GALNT17: variants seen among roughly 807,000 people sequenced by gnomAD.
GALNT17 encodes the protein polypeptide N-acetylgalactosaminyltransferase 17.
Under a neutral mutation model 63.7 loss-of-function variants are expected in GALNT17, and 29 were observed. The observed-to-expected ratio is 0.46, with a 90% CI of 0.34 to 0.62. The LOEUF (loss-of-function observed/expected upper bound fraction) is 0.62. Ranked by LOEUF, GALNT17 falls within the 20% of genes least tolerant of loss-of-function variation. GALNT17 has a pLI of 0.01. For synonymous variants in GALNT17, 305 were observed against 318.3 expected, an observed-to-expected ratio of 0.96 and a Z score of 0.45; for missense variants, 603 against 799.6, an observed-to-expected ratio of 0.75 and a Z score of 2.97.
At chr7:71,490,589 A>C (rs1247275549) in intron 5 of GALNT17, among the ~76,000 whole-genome samples, 4 of 151,946 alleles carry the variant, frequency 2.6e-5, no homozygotes, top group Admixed American at 2.6e-4. Flanking sequence ...ACATAGCCAG[A>C]TGCCATCTCT....
intron 9 of GALNT17, among the ~76,000 whole-genome samples, chr7:71,693,379 T>C (rs1454513246): frequency 6.8e-6 from 1 of 148,136 alleles, no homozygotes; most frequent in Non-Finnish European, 1.5e-5. Flanking sequence ...GGGAAGAAAA[T>C]CCATGTTTGT....
chr7:71,626,006 GA>G (rs988712220), intron 6 of GALNT17, among the ~76,000 whole-genome samples: 2 of 152,102 alleles, frequency 1.3e-5, no homozygotes, highest in African/African-American at 4.8e-5. Flanking sequence ...AGCACTTTAG[GA>G]GGCCAAGGCA....
chr7:71,583,362 A>G (rs186135185), intron 6 of GALNT17, among the ~76,000 whole-genome samples: 16 of 152,260 alleles, frequency 1.1e-4, no homozygotes, highest in East Asian at 9.7e-4. Flanking sequence ...CCGAAGTGCT[A>G]GGATTACAGG....
intron 2 of GALNT17, among the ~76,000 whole-genome samples, chr7:71,346,026 TAAAAA>T (rs35499113): frequency 1.4e-4 from 18 of 127,226 alleles, no homozygotes; most frequent in Non-Finnish European, 1.8e-4. Flanking sequence ...TACTAAAAAT[TAAAAA>T]AAAAAAAAAA....
intron 5 of GALNT17, among the ~76,000 whole-genome samples, chr7:71,555,625 A>G (rs1230533584): frequency 1.3e-5 from 2 of 152,056 alleles, no homozygotes; most frequent in African/African-American, 4.8e-5. Context: ...GAACTATCCC[A>G]TATGTCAGTG....
Position 71,670,087 on chromosome 7 carries a change from A to C in GALNT17, c.1382A>C (p.Asn461Thr), listed in dbSNP as rs1018948707. ...DHVYPEMRRY[N>T]NTVAYGELRN... Reference sequence around the variant, plus strand: ...GTTTACCCAGAAATGAGAAGATACAATAATACCGTTGCTTACGGGGAGGTA... The same window carrying C: ...GTTTACCCAGAAATGAGAAGATACACTAATACCGTTGCTTACGGGGAGGTA... Residue 461 changes from asparagine (N) to threonine (T), a missense_variant, in exon 8 of 11, where the codon AAT (asparagine) becomes ACT (threonine). Coordinates refer to ENST00000333538, the MANE Select transcript of GALNT17 (RefSeq NM_022479.3). 1 of 1,614,166 alleles carries C rather than the reference A, an allele frequency of 6.2e-7. No individual in the cohort carries two copies. Among genetic ancestry groups the C allele is most frequent in the Non-Finnish European group, 8.5e-7 (1 of 1,180,014 alleles).
At chr7:71,462,396 G>T (rs916055509) in intron 5 of GALNT17, among the ~76,000 whole-genome samples, 2 of 152,194 alleles carry the variant, frequency 1.3e-5, no homozygotes, top group African/African-American at 2.4e-5. Flanking sequence ...CAAGACAAGT[G>T]GGATTTATAG....
chr7:71,582,908 G>A (rs1431301713), intron 6 of GALNT17, among the ~76,000 whole-genome samples: 8 of 151,898 alleles, frequency 5.3e-5, no homozygotes, highest in East Asian at 1.9e-4. Context: ...CTCACAAATC[G>A]CCACTAAAGA....
At chr7:71,288,326 TAGGCTGAGC>T (rs1240462988) in intron 1 of GALNT17, among the ~76,000 whole-genome samples, 1 of 151,354 alleles carries the variant, frequency 6.6e-6, no homozygotes, top group African/African-American at 2.4e-5. Flanking sequence ...TCATGTTGAG[TAGGCTGAGC>T]AGGAAAAGGG....
At chr7:71,172,663 C>T (rs1191250345) in intron 1 of GALNT17, among the ~76,000 whole-genome samples, 1 of 152,080 alleles carries the variant, frequency 6.6e-6, no homozygotes, top group African/African-American at 2.4e-5. Flanking sequence ...GCTACCAGGG[C>T]AAGAGTTTAT....
intron 1 of GALNT17, among the ~76,000 whole-genome samples, chr7:71,255,436 T>C (rs1166544791): frequency 6.6e-6 from 1 of 152,228 alleles, no homozygotes; most frequent in African/African-American, 2.4e-5. Flanking sequence ...ATCAAACCTG[T>C]TTCTTTTGTA....
chr7:71,696,782 A>G lies in GALNT17; in HGVS notation c.1501-13979A>G, dbSNP rs1353067742. 3.9e-5 allele frequency among the ~76,000 whole-genome samples: 6 copies of G among 152,318 alleles called. No homozygotes were observed. In the East Asian group the frequency reaches 1.2e-3, roughly 29 times the overall value. On this transcript the variant is annotated intron_variant, in intron 9 of 10. Transcript: ENST00000333538. ...GACGTTCATTTCTCCTCATGAGCCC[A>G]GGAGCCAAATAGAGTAATCCCATTC...
At chr7:71,561,687 G>T (rs1380727586) in intron 5 of GALNT17, among the ~76,000 whole-genome samples, 1 of 152,152 alleles carries the variant, frequency 6.6e-6, no homozygotes, top group Non-Finnish European at 1.5e-5. Context: ...AGACCAACGG[G>T]TGGCTGGGGT....
chr7:71,599,725 C>G (rs192284922), intron 6 of GALNT17, among the ~76,000 whole-genome samples: 4 of 151,926 alleles, frequency 2.6e-5, no homozygotes, highest in African/African-American at 9.7e-5. Context: ...ATACCCCCCC[C>G]ACCCCACCTT....
chr7:71,333,706 G>C (rs1414175978), intron 1 of GALNT17, among the ~76,000 whole-genome samples: 3 of 152,074 alleles, frequency 2.0e-5, no homozygotes, highest in Non-Finnish European at 4.4e-5. Flanking sequence ...TCACCATGTT[G>C]GCCAGGCTGG....
At chr7:71,676,716 T>C (rs1406866052) in intron 8 of GALNT17, among the ~76,000 whole-genome samples, 2 of 152,138 alleles carry the variant, frequency 1.3e-5, no homozygotes, top group Non-Finnish European at 2.9e-5. Context: ...TTTATGCAAA[T>C]AATGACCTGA....
At chr7:71,514,860 G>A (rs1281059242) in intron 5 of GALNT17, among the ~76,000 whole-genome samples, 5 of 152,162 alleles carry the variant, frequency 3.3e-5, no homozygotes, top group Non-Finnish European at 7.3e-5. Context: ...ATCTTGAATT[G>A]TAGCTCCCGT....
At chr7:71,300,342 CA>C in intron 1 of GALNT17, 1 of 411,744 alleles carries the variant, frequency 2.4e-6, no homozygotes, top group Non-Finnish European at 4.9e-6. Context: ...TGTTGGATTT[CA>C]AAACCAAGAC....
chr7:71,660,775 T>C (rs533705287), intron 6 of GALNT17, among the ~76,000 whole-genome samples: 43 of 152,340 alleles, frequency 2.8e-4, no homozygotes, highest in African/African-American at 1.0e-3. Flanking sequence ...GTCCACTTTC[T>C]TGCATTTCTT....
Sources: allele counts gnomAD v4.1 joint callset (sites outside exome capture counted in the v4.1 genomes callset), GRCh38; gene constraint gnomAD v4.1.1; transcripts MANE v1.5; gene names NCBI Gene and HGNC (gene_info 2026-07-23, HGNC 2026-07-21).